Variants in NUDCD1 observed in about 807,000 individuals in gnomAD.
The protein encoded by NUDCD1 is NudC domain containing 1, also known as nudC domain-containing protein 1.
In NUDCD1, 60 loss-of-function variants were observed where a neutral mutation model predicts 67.8. The ratio of observed to expected loss-of-function variants is 0.88; its 90% CI spans 0.72 to 1.10. The LOEUF (loss-of-function observed/expected upper bound fraction) is 1.10. NUDCD1 is among the 50% of genes least tolerant of loss of function. NUDCD1 has a pLI of 0.00. For synonymous variants in NUDCD1, 244 were observed against 230.8 expected, an observed-to-expected ratio of 1.06 and a Z score of -0.52; for missense variants, 643 against 695.0, an observed-to-expected ratio of 0.93 and a Z score of 0.84.
intron 9 of NUDCD1, 81 bp downstream of exon 9, chr8:109,245,236 TAAAAA>T: frequency 7.4e-7 from 1 of 1,349,412 alleles, no homozygotes; most frequent in Non-Finnish European, 1.0e-6. Context: ...CAGCTCAAAT[TAAAAA>T]GAAAAAAAAG....
At chr8:109,270,918 C>A in intron 8 of NUDCD1, 87 bp downstream of exon 8, 2 of 831,496 alleles carry the variant, frequency 2.4e-6, no homozygotes, top group East Asian at 2.6e-5. Flanking sequence ...AACTGCTAAT[C>A]AAGTATCTTT....
At position 109,293,346 on chromosome 8, in the gene NUDCD1, T is replaced by C. The variant is rs1279080063; in HGVS notation, c.638A>G (p.Gln213Arg). ...LEWVTISKKN[Q>R]DNKKYEIIKR... is the part of the protein sequence containing the mutation. ...ACAGATTCAGACTTTTGTTTTACCT[T>C]GATTTTTCTTACTGATAGTGACCCA... The change falls in exon 4 of 10, where the codon CAA becomes CGA. Residue 213 changes from glutamine to arginine, a missense_variant and splice_region_variant. Transcript: ENST00000239690. 6.5e-7 allele frequency: 1 copy of C among 1,531,820 alleles called. No homozygotes were observed. Among genetic ancestry groups the C allele is most frequent in the Non-Finnish European group, 8.8e-7 (1 of 1,137,708 alleles). 94.9% of individuals were successfully genotyped at this position (1,531,820 alleles called of 1,614,324 possible).
intron 8 of NUDCD1, among the ~76,000 whole-genome samples, chr8:109,246,235 A>T (rs1813493317): frequency 6.6e-6 from 1 of 152,228 alleles, no homozygotes; most frequent in South Asian, 2.1e-4. Flanking sequence ...AAGTTTACTA[A>T]TGCTAACTTG....
chr8:109,291,030 C>A (rs1188417854), intron 4 of NUDCD1, among the ~76,000 whole-genome samples: 1 of 152,236 alleles, frequency 6.6e-6, no homozygotes, highest in Admixed American at 6.5e-5. Flanking sequence ...AAGATCCAAA[C>A]ACCGACATCA....
intron 5 of NUDCD1, among the ~76,000 whole-genome samples, chr8:109,286,931 A>T (rs1814587237): frequency 6.6e-6 from 1 of 152,182 alleles, no homozygotes; most frequent in African/African-American, 2.4e-5. Context: ...AGCACAAAAC[A>T]AATAACTCCA....
At chr8:109,312,581 G>A (rs775279127) in intron 2 of NUDCD1, among the ~76,000 whole-genome samples, 1 of 151,626 alleles carries the variant, frequency 6.6e-6, no homozygotes, top group Non-Finnish European at 1.5e-5. Flanking sequence ...ATATGTACAC[G>A]AAGATCCACG....
intron 1 of NUDCD1, among the ~76,000 whole-genome samples, chr8:109,331,903 T>G (rs1157560009): frequency 6.6e-6 from 1 of 152,174 alleles, no homozygotes; most frequent in African/African-American, 2.4e-5. Flanking sequence ...AACAAGGCCC[T>G]CACTGATTTA....
intron 2 of NUDCD1, among the ~76,000 whole-genome samples, chr8:109,302,571 T>TA (rs1296155676): frequency 1.3e-5 from 2 of 152,058 alleles, no homozygotes; most frequent in Non-Finnish European, 2.9e-5. Flanking sequence ...CTCCCCTCCT[T>TA]ACACCAGGTC....
intron 2 of NUDCD1, among the ~76,000 whole-genome samples, chr8:109,301,371 T>C (rs945782596): frequency 4.1e-4 from 62 of 152,202 alleles, no homozygotes; most frequent in Admixed American, 1.8e-3. Flanking sequence ...TAAGAACTAA[T>C]GATAATCCCA....
intron 7 of NUDCD1, among the ~76,000 whole-genome samples, chr8:109,273,037 G>A (rs1814194244): frequency 1.3e-5 from 2 of 152,196 alleles, no homozygotes; most frequent in South Asian, 2.1e-4. Context: ...GGCCACCAGT[G>A]CTTCACAGGA....
intron 8 of NUDCD1, among the ~76,000 whole-genome samples, chr8:109,263,070 A>AAAAAAAAAAC (rs1813907226): frequency 6.7e-6 from 1 of 150,180 alleles, no homozygotes; most frequent in African/African-American, 2.4e-5. Flanking sequence ...AAAAAAAAAA[A>AAAAAAAAAAC]AAAAAAAAAC....
Position 109,278,501 on chromosome 8 carries a change from C to CA in NUDCD1, c.1028+2466dup, listed in dbSNP as rs527717599. On this transcript the variant is annotated intron_variant, in intron 6 of 9. Transcript: ENST00000239690. ...GACAAATGCATACACCTTTGTAACCCAATGAGGATACTGAATTATTTCCAC... is the reference window on the plus strand; with the variant it reads ...GACAAATGCATACACCTTTGTAACCCAAATGAGGATACTGAATTATTTCCAC... Among the ~76,000 whole-genome samples the CA allele has an allele frequency of 6.6e-5, 10 of 152,172 alleles. No individual in the cohort carries two copies. The East Asian group carries it at 1.2e-3, about 18-fold the overall frequency.
chr8:109,271,906 C>A (rs560989849), intron 7 of NUDCD1, among the ~76,000 whole-genome samples: 1 of 151,618 alleles, frequency 6.6e-6, no homozygotes, highest in African/African-American at 2.4e-5. Context: ...GAGAAAAAAA[C>A]AAAAACAAAA....
chr8:109,251,423 A>G (rs1813621891), intron 8 of NUDCD1, among the ~76,000 whole-genome samples: 1 of 152,066 alleles, frequency 6.6e-6, no homozygotes, highest in African/African-American at 2.4e-5. Flanking sequence ...CACCCGCCTC[A>G]GCCTCCTAAA....
chr8:109,289,456 T>C (rs976351963), intron 5 of NUDCD1, among the ~76,000 whole-genome samples: 11 of 152,180 alleles, frequency 7.2e-5, no homozygotes, highest in Non-Finnish European at 1.5e-4. Context: ...TCAATACTAA[T>C]AGCAAATAGA....
intron 9 of NUDCD1, among the ~76,000 whole-genome samples, chr8:109,245,091 C>A (rs188961596): frequency 3.9e-5 from 6 of 152,258 alleles, no homozygotes; most frequent in South Asian, 2.1e-4. Flanking sequence ...TAGATAACCA[C>A]TTTCATTTCT....
chr8:109,279,493 C>T (rs1327225643), intron 6 of NUDCD1, among the ~76,000 whole-genome samples: 2 of 125,108 alleles, frequency 1.6e-5, no homozygotes, highest in East Asian at 2.5e-4. Context: ...AATGAAAGTC[C>T]TTTGGTTTAA....
At chr8:109,305,905 CT>C (rs1815091529) in intron 2 of NUDCD1, among the ~76,000 whole-genome samples, 1 of 152,158 alleles carries the variant, frequency 6.6e-6, no homozygotes, top group South Asian at 2.1e-4. Flanking sequence ...GTACTCCCCC[CT>C]ACTTCCCTTA....
intron 8 of NUDCD1, among the ~76,000 whole-genome samples, chr8:109,252,764 A>C (rs561133324): frequency 6.6e-6 from 1 of 152,238 alleles, no homozygotes; most frequent in African/African-American, 2.4e-5. Flanking sequence ...TTTTCCTTAG[A>C]TTTTAAGCTG....
Sources: gnomAD v4.1 joint callset for allele counts (sites outside exome capture counted in the v4.1 genomes callset) on GRCh38, gnomAD v4.1.1 for gene constraint, MANE v1.5 for transcripts, NCBI Gene and HGNC (gene_info 2026-07-23, HGNC 2026-07-21) for gene names.